Variants in RTN1 observed in about 807,000 individuals in gnomAD.
RTN1 encodes reticulon 1.
RTN1 carries 25 observed loss-of-function variants against 65.5 expected under a neutral mutation model. The observed-to-expected ratio is 0.38, with a 90% CI of 0.28 to 0.53. RTN1 has a LOEUF of 0.53. Ranked by LOEUF, RTN1 falls within the 20% of genes least tolerant of loss-of-function variation. The pLI, the probability that RTN1 is intolerant of heterozygous loss-of-function variation, is 0.79. For missense variants in RTN1, 983 were observed against 1,025.4 expected (o/e 0.96, Z 0.57); for synonymous variants, 471 against 447.6 (o/e 1.05, Z -0.66).
chr14:59,700,578 G>T (rs1219842389), intron 3 of RTN1, among the ~76,000 whole-genome samples: 3 of 152,066 alleles, frequency 2.0e-5, no homozygotes, highest in African/African-American at 7.2e-5. Flanking sequence ...TACATTTACG[G>T]TCAATTTATT....
At chr14:59,751,131 A>T (rs560055771) in intron 1 of RTN1, among the ~76,000 whole-genome samples, 12 of 151,270 alleles carry the variant, frequency 7.9e-5, no homozygotes, top group Admixed American at 5.9e-4. Flanking sequence ...CAAGTGACTT[A>T]ATTTTGTGAG....
Position 59,790,589 on chromosome 14 carries a change from T to G in RTN1, c.242-44108A>C, listed in dbSNP as rs1886330596. Among the ~76,000 whole-genome samples the G allele has an allele frequency of 6.6e-6, 1 of 152,208 alleles. No homozygotes were observed. The highest frequency in any genetic ancestry group is 1.5e-5 in the Non-Finnish European group (1 of 68,030). On this transcript the variant is annotated intron_variant, in intron 1 of 8. Coordinates refer to ENST00000267484, the MANE Select transcript of RTN1 (RefSeq NM_021136.3). The surrounding 1 kb of genome is among the most constrained non-coding windows in gnomAD (Gnocchi z 4.1). The stretch of plus-strand genomic sequence containing the variant: ...TGCCTGAAGAATTCATTCTCTGGCG[T>G]CAAAGCTTAACCAGAGAATATATGT...
chr14:59,634,449 T>G (rs1291743390), intron 3 of RTN1, among the ~76,000 whole-genome samples: 1 of 152,198 alleles, frequency 6.6e-6, no homozygotes, highest in Non-Finnish European at 1.5e-5. Context: ...TGTAGCAGAA[T>G]AATGCATGAA....
intron 3 of RTN1, among the ~76,000 whole-genome samples, chr14:59,676,330 C>T (rs1339495614): frequency 3.9e-5 from 6 of 152,176 alleles, no homozygotes; most frequent in Admixed American, 3.9e-4. Context: ...AAGTATATAG[C>T]AAGTGCTACT....
Position 59,746,105 on chromosome 14 carries a change from C to T in RTN1, c.618G>A (p.Lys206=). The change falls in exon 2 of 9, where the codon AAG becomes AAA. Residue 206 remains lysine (K), a synonymous_variant. Coordinates refer to ENST00000267484, the MANE Select transcript of RTN1 (RefSeq NM_021136.3). The stretch of plus-strand genomic sequence containing the variant: ...GCTCGGGGTGATGTTGTTCTTGGTG[C>T]TTCACCTCCTCGGGTCTGGTTATGT... ...YIDITRPEEV[K]HQEQHHPELE... is the part of the protein sequence containing the mutation. 1 of 1,613,302 alleles carries T rather than the reference C, an allele frequency of 6.2e-7. No homozygotes were observed. Among genetic ancestry groups the T allele is most frequent in the Non-Finnish European group, 8.5e-7 (1 of 1,179,756 alleles).
intron 2 of RTN1, among the ~76,000 whole-genome samples, chr14:59,737,821 C>T (rs1885031292): frequency 6.6e-6 from 1 of 152,110 alleles, no homozygotes; most frequent in Non-Finnish European, 1.5e-5. Flanking sequence ...GACACATAGA[C>T]CAATGGACCA....
intron 3 of RTN1, among the ~76,000 whole-genome samples, chr14:59,628,801 G>A (rs1273330516): frequency 1.3e-5 from 2 of 152,056 alleles, no homozygotes; most frequent in East Asian, 3.9e-4. Context: ...GAGTCAAACC[G>A]CATAAGATTG....
At chr14:59,619,660 C>A (rs1053393964) in intron 3 of RTN1, among the ~76,000 whole-genome samples, 1 of 152,020 alleles carries the variant, frequency 6.6e-6, no homozygotes, top group Admixed American at 6.6e-5. Flanking sequence ...GGGATGCAGT[C>A]TAGGATGAAA....
chr14:59,649,396 A>G (rs2140198131), intron 3 of RTN1, among the ~76,000 whole-genome samples: 1 of 152,334 alleles, frequency 6.6e-6, no homozygotes, highest in Admixed American at 6.5e-5. Context: ...ACAAAAGCCA[A>G]AATTGACAAT....
intron 8 of RTN1, among the ~76,000 whole-genome samples, chr14:59,602,025 G>A (rs2140158677): frequency 1.3e-5 from 2 of 151,356 alleles, no homozygotes; most frequent in East Asian, 3.9e-4. Context: ...ATTCAACATA[G>A]AACCCTATGA....
In RTN1 at chr14:59,803,033, TG is replaced by T. The variant is rs931860367; in HGVS notation, c.242-56553del. 2.6e-5 allele frequency among the ~76,000 whole-genome samples: 4 copies of T among 151,720 alleles called. No individual in the cohort carries two copies. The highest frequency in any genetic ancestry group is 4.8e-5 in the African/African-American group (2 of 41,354). ...CCTACACAACAATCCACCATCCTCT[TG>T]GTGAAACTGATTTAAAAAAGTCATT... On this transcript the variant is annotated intron_variant, in intron 1 of 8. Transcript: ENST00000267484. The surrounding 1 kb of genome is among the most constrained non-coding windows in gnomAD (Gnocchi z 5.6).
chr14:59,772,073 A>G (rs189792575), intron 1 of RTN1, among the ~76,000 whole-genome samples: 2 of 152,370 alleles, frequency 1.3e-5, no homozygotes, highest in Admixed American at 1.3e-4. Context: ...AGACAATAGC[A>G]CTGAAATAAC....
At chr14:59,784,584 TA>T (rs1383481053) in intron 1 of RTN1, among the ~76,000 whole-genome samples, 1 of 152,234 alleles carries the variant, frequency 6.6e-6, no homozygotes, top group Non-Finnish European at 1.5e-5. Flanking sequence ...TGTAGGGAGA[TA>T]TTACTTTAAT....
intron 2 of RTN1, among the ~76,000 whole-genome samples, chr14:59,729,401 TAAAAC>T (rs1392663754): frequency 6.6e-6 from 1 of 152,162 alleles, no homozygotes; most frequent in Admixed American, 6.5e-5. Flanking sequence ...TTTAGTAACT[TAAAAC>T]AACAACTACT....
rs983997676 is a variant in RTN1 at position 59,829,875 on chromosome 14, A to G, written c.241+40515T>C. ...TTCCAGGGGACAGGAATGTACCCAGAGAGAAACCAAAAATATTTCTCAAAT... is the reference window on the plus strand; with the variant it reads ...TTCCAGGGGACAGGAATGTACCCAGGGAGAAACCAAAAATATTTCTCAAAT... On this transcript the variant is annotated intron_variant, in intron 1 of 8. Coordinates refer to ENST00000267484, the MANE Select transcript of RTN1 (RefSeq NM_021136.3). The surrounding 1 kb of genome is among the most constrained non-coding windows in gnomAD (Gnocchi z 4.3). 6.6e-6 allele frequency among the ~76,000 whole-genome samples: 1 copy of G among 152,254 alleles called. No homozygotes were observed. The highest frequency in any genetic ancestry group is 1.5e-5 in the Non-Finnish European group (1 of 68,040).
intron 1 of RTN1, among the ~76,000 whole-genome samples, chr14:59,817,234 A>G (rs532209560): frequency 1.3e-5 from 2 of 152,264 alleles, no homozygotes; most frequent in South Asian, 4.2e-4. Context: ...TAGTAAGCAA[A>G]ATGAAAATGT....
chr14:59,852,424 G>A lies in RTN1; in HGVS notation c.241+17966C>T, dbSNP rs1481894095. ...TAGATGACTGATGGAGATTTTTAGAGGGAGAATTAACATCATCTCCTAGTC... is the reference window on the plus strand; with the variant it reads ...TAGATGACTGATGGAGATTTTTAGAAGGAGAATTAACATCATCTCCTAGTC... On this transcript the variant is annotated intron_variant, in intron 1 of 8. Transcript: ENST00000267484. 2.0e-5 allele frequency among the ~76,000 whole-genome samples: 3 copies of A among 152,134 alleles called. No individual in the cohort carries two copies. The East Asian group carries it at 5.8e-4, about 29-fold the overall frequency.
chr14:59,610,438 CTCTCATATGTTA>C (rs1881912870), intron 3 of RTN1, among the ~76,000 whole-genome samples: 1 of 152,166 alleles, frequency 6.6e-6, no homozygotes, highest in Admixed American at 6.5e-5. Context: ...GTTCAAAGCA[CTCTCATATGTTA>C]TCTCACTGAA....
intron 1 of RTN1, among the ~76,000 whole-genome samples, chr14:59,799,198 A>T (rs1440148629): frequency 6.6e-6 from 1 of 152,232 alleles, no homozygotes; most frequent in Non-Finnish European, 1.5e-5. Flanking sequence ...ATTCAGAAAA[A>T]AGGCTAAGGA....
Sources: allele counts gnomAD v4.1 joint callset (sites outside exome capture counted in the v4.1 genomes callset), GRCh38; gene constraint gnomAD v4.1.1; non-coding constraint Gnocchi (gnomAD v3.1); transcripts MANE v1.5; gene names NCBI Gene and HGNC (gene_info 2026-07-23, HGNC 2026-07-21).